Variants in DOCK5 observed in about 807,000 individuals in gnomAD.
DOCK5 encodes dedicator of cytokinesis protein 5.
A neutral mutation model predicts 251.8 loss-of-function variants in DOCK5; 142 were observed. That is an observed-to-expected ratio of 0.56 (90% CI 0.49 to 0.65). The LOEUF (loss-of-function observed/expected upper bound fraction) is 0.65. Among genes scored for constraint, DOCK5 ranks in the 30% least tolerant of loss-of-function variants. DOCK5 has a pLI of 0.00. For synonymous variants in DOCK5, 842 were observed against 835.5 expected, an observed-to-expected ratio of 1.01 and a Z score of -0.13; for missense variants, 2,111 against 2,312.3, an observed-to-expected ratio of 0.91 and a Z score of 1.79.
chr8:25,225,309 A>G (rs1165077827), intron 1 of DOCK5, among the ~76,000 whole-genome samples: 1 of 152,240 alleles, frequency 6.6e-6, no homozygotes, highest in Non-Finnish European at 1.5e-5. Context: ...TGTTCATAGC[A>G]GCACCATTCA....
At chr8:25,289,622 C>T (rs1326525588) in intron 5 of DOCK5, among the ~76,000 whole-genome samples, 2 of 151,896 alleles carry the variant, frequency 1.3e-5, no homozygotes, top group African/African-American at 4.8e-5. Flanking sequence ...GCAGGCGGAT[C>T]ATCTGAGGTC....
At chr8:25,289,844 A>C (rs1804443201) in intron 5 of DOCK5, among the ~76,000 whole-genome samples, 1 of 152,026 alleles carries the variant, frequency 6.6e-6, no homozygotes, top group South Asian at 2.1e-4. Context: ...CTCCGTTTCC[A>C]AAAAAAAGAA....
At chr8:25,334,075 T>A (rs777105725) in intron 20 of DOCK5, 21 bp from the exon 21 acceptor site, 6 of 1,589,924 alleles carry the variant, frequency 3.8e-6, no homozygotes, top group African/African-American at 1.3e-5. Context: ...TGCTGCTATT[T>A]CTATTTTTCA....
chr8:25,352,320 G>C (rs1367830155), intron 27 of DOCK5, among the ~76,000 whole-genome samples: 1 of 151,662 alleles, frequency 6.6e-6, no homozygotes, highest in Non-Finnish European at 1.5e-5. Context: ...AAAGAGAAAA[G>C]AAAGAAAATG....
chr8:25,190,461 A>G (rs548319216), intron 1 of DOCK5, among the ~76,000 whole-genome samples: 1 of 152,348 alleles, frequency 6.6e-6, no homozygotes, highest in African/African-American at 2.4e-5. Flanking sequence ...ATACTATGAT[A>G]TAAAAATCCC....
chr8:25,278,328 G>T (rs1320518864), intron 4 of DOCK5, among the ~76,000 whole-genome samples: 1 of 152,192 alleles, frequency 6.6e-6, no homozygotes, highest in African/African-American at 2.4e-5. Context: ...CACTGGGGAG[G>T]TCGAGGCTGG....
chr8:25,401,599 C>T (rs1353595372), intron 47 of DOCK5, among the ~76,000 whole-genome samples: 5 of 151,998 alleles, frequency 3.3e-5, no homozygotes, highest in South Asian at 2.1e-4. Flanking sequence ...CTGGGCATGG[C>T]GTCAGGCACC....
At chr8:25,231,514 A>G (rs575152037) in intron 1 of DOCK5, among the ~76,000 whole-genome samples, 21 of 152,328 alleles carry the variant, frequency 1.4e-4, no homozygotes, top group African/African-American at 4.6e-4. Flanking sequence ...GGATTCTTAT[A>G]CATTGACCAA....
In DOCK5 at chr8:25,184,854, G is replaced by C. The variant is rs1801388774; in HGVS notation, c.-55G>C. On this transcript the variant is annotated 5_prime_UTR_variant, in exon 1 of 52. Coordinates refer to ENST00000276440, the MANE Select transcript of DOCK5 (RefSeq NM_024940.8). Reference sequence around the variant, plus strand: ...GGAGCGCGGGGCGGCGGCGGCCGGAGCCCGAGGAGCTGTAGCAGCCTTAGT... The same window carrying C: ...GGAGCGCGGGGCGGCGGCGGCCGGACCCCGAGGAGCTGTAGCAGCCTTAGT... 1.6e-6 allele frequency: 2 copies of C among 1,287,950 alleles called. No homozygotes were observed. The highest frequency in any genetic ancestry group is 5.2e-5 in the South Asian group (2 of 38,362). The allele number at this position is 1,287,950 out of a possible 1,614,324, so 79.8% of individuals were successfully genotyped here.
At chr8:25,381,285 G>A (rs4872309) in intron 39 of DOCK5, among the ~76,000 whole-genome samples, 105,819 of 152,072 alleles carry the variant, frequency 0.7, 37,221 homozygotes, top group South Asian at 0.8. Flanking sequence ...TTACCAGTGT[G>A]CTATTACCAG....
intron 38 of DOCK5, among the ~76,000 whole-genome samples, chr8:25,379,853 C>CCT (rs1801033181): frequency 1.6e-5 from 2 of 128,400 alleles, no homozygotes; most frequent in Admixed American, 7.6e-5. Flanking sequence ...TACACCTACA[C>CCT]ACACACACAC....
chr8:25,380,033 C>CT (rs901923556), intron 38 of DOCK5, among the ~76,000 whole-genome samples: 1 of 152,136 alleles, frequency 6.6e-6, no homozygotes, highest in Non-Finnish European at 1.5e-5. Context: ...CACAGTATTG[C>CT]TTTTTTGGGC....
At chr8:25,187,320 T>C (rs1329764957) in intron 1 of DOCK5, among the ~76,000 whole-genome samples, 1 of 143,600 alleles carries the variant, frequency 7.0e-6, no homozygotes, top group Non-Finnish European at 1.5e-5. Flanking sequence ...TGCGTATATG[T>C]GTGTGTGTGT....
chr8:25,202,844 G>A (rs1273732191), intron 1 of DOCK5, among the ~76,000 whole-genome samples: 1 of 152,154 alleles, frequency 6.6e-6, no homozygotes, highest in African/African-American at 2.4e-5. Flanking sequence ...AAATAAGGGT[G>A]ACTTGAACAC....
At chr8:25,348,429 C>T (rs1371234571) in intron 26 of DOCK5, among the ~76,000 whole-genome samples, 1 of 152,228 alleles carries the variant, frequency 6.6e-6, no homozygotes, top group Non-Finnish European at 1.5e-5. Context: ...CCTTGGGAAG[C>T]TGCTCTTATG....
intron 1 of DOCK5, among the ~76,000 whole-genome samples, chr8:25,232,475 T>C (rs1476484926): frequency 6.6e-6 from 1 of 152,198 alleles, no homozygotes; most frequent in Non-Finnish European, 1.5e-5. Context: ...ACAACAGAAA[T>C]AGATTTCTCA....
At chr8:25,304,535 T>G (rs898914219) in intron 11 of DOCK5, 1 of 484,432 alleles carries the variant, frequency 2.1e-6, no homozygotes, top group Non-Finnish European at 3.6e-6. Context: ...TGAACTTTCC[T>G]GATTCTATAG....
chr8:25,250,022 G>A (rs529416712), intron 2 of DOCK5, among the ~76,000 whole-genome samples: 1 of 152,324 alleles, frequency 6.6e-6, no homozygotes, highest in South Asian at 2.1e-4. Context: ...TAATACTGCT[G>A]CAAACATTTG....
chr8:25,280,711 T>G (rs1353387496), intron 5 of DOCK5, among the ~76,000 whole-genome samples: 1 of 152,212 alleles, frequency 6.6e-6, no homozygotes, highest in East Asian at 1.9e-4. Flanking sequence ...CTCTTTATGT[T>G]TAGTTGAAGA....
Sources: gnomAD v4.1 joint callset for allele counts (sites outside exome capture counted in the v4.1 genomes callset) on GRCh38, gnomAD v4.1.1 for gene constraint, MANE v1.5 for transcripts, NCBI Gene and HGNC (gene_info 2026-07-23, HGNC 2026-07-21) for gene names.